The following PLPPR1 variants were observed in gnomAD, a reference collection of about 807,000 sequenced individuals.
The protein encoded by PLPPR1 is phospholipid phosphatase related 1.
PLPPR1 carries 10 observed loss-of-function variants against 33.1 expected under a neutral mutation model. The observed-to-expected ratio is 0.30, with a 90% CI of 0.19 to 0.51. The LOEUF (loss-of-function observed/expected upper bound fraction) is 0.51. Among genes scored for constraint, PLPPR1 ranks in the 20% least tolerant of loss-of-function variants. The pLI is 0.97. For synonymous variants in PLPPR1, 151 were observed against 151.0 expected (o/e 1.00, Z 0.00); for missense variants, 304 against 408.1 (o/e 0.74, Z 2.20).
At chr9:101,121,156 T>C (rs1056574320) in intron 1 of PLPPR1, among the ~76,000 whole-genome samples, 2 of 152,228 alleles carry the variant, frequency 1.3e-5, no homozygotes, top group Admixed American at 1.3e-4. Flanking sequence ...AAGTTACTAC[T>C]GTTACCTGAA....
intron 1 of PLPPR1, among the ~76,000 whole-genome samples, chr9:101,143,938 C>A (rs999637437): frequency 2.0e-5 from 3 of 151,972 alleles, no homozygotes; most frequent in African/African-American, 7.3e-5. Context: ...GGGTATATAC[C>A]CAAAGGATTA....
chr9:101,096,429 C>G (rs1259610205), intron 1 of PLPPR1, among the ~76,000 whole-genome samples: 1 of 152,086 alleles, frequency 6.6e-6, no homozygotes, highest in Non-Finnish European at 1.5e-5. Context: ...TCTACATGAG[C>G]AAGAGTGATC....
At chr9:101,115,410 A>C (rs1016649217) in intron 1 of PLPPR1, among the ~76,000 whole-genome samples, 7 of 152,358 alleles carry the variant, frequency 4.6e-5, no homozygotes, top group African/African-American at 1.7e-4. Context: ...CTAAATGGGC[A>C]AACATTGGGG....
intron 1 of PLPPR1, among the ~76,000 whole-genome samples, chr9:101,042,615 C>G (rs1364036069): frequency 1.3e-5 from 2 of 152,126 alleles, no homozygotes; most frequent in African/African-American, 4.8e-5. Context: ...GACTTGAGAA[C>G]TTTTCTTTTT....
intron 2 of PLPPR1, among the ~76,000 whole-genome samples, chr9:101,219,755 G>A (rs1826888253): frequency 1.3e-5 from 2 of 152,142 alleles, no homozygotes; most frequent in South Asian, 4.1e-4. Context: ...CCTGCGATCA[G>A]TTCTAATTGG....
At chr9:101,291,012 A>G (rs1390441379) in intron 4 of PLPPR1, among the ~76,000 whole-genome samples, 1 of 152,254 alleles carries the variant, frequency 6.6e-6, no homozygotes, top group African/African-American at 2.4e-5. Flanking sequence ...GCAAGGGGTC[A>G]GGGAGTTCCC....
chr9:101,296,623 A>C (rs533143562), intron 4 of PLPPR1, among the ~76,000 whole-genome samples: 1 of 152,384 alleles, frequency 6.6e-6, no homozygotes, highest in East Asian at 1.9e-4. Context: ...GCAGCCATAA[A>C]AAATGAGTTC....
chr9:101,247,370 A>T (rs74988536), intron 2 of PLPPR1, among the ~76,000 whole-genome samples: 2,746 of 152,172 alleles, frequency 0.018, 34 homozygotes, highest in Middle Eastern at 0.085. Flanking sequence ...AGATGACCAC[A>T]TTGGGTCTTA....
chr9:101,236,536 T>G (rs375811115), intron 2 of PLPPR1, among the ~76,000 whole-genome samples: 1 of 148,586 alleles, frequency 6.7e-6, no homozygotes, highest in Non-Finnish European at 1.5e-5. Context: ...CTCTCTAAAC[T>G]CACACACACA....
chr9:101,093,857 A>G (rs1830779994), intron 1 of PLPPR1, among the ~76,000 whole-genome samples: 1 of 152,212 alleles, frequency 6.6e-6, no homozygotes, highest in Non-Finnish European at 1.5e-5. Context: ...GGAGCAGACC[A>G]TTGTTTCCAG....
chr9:101,323,904 G>T, intron 7 of PLPPR1, 121 bp from the exon 8 acceptor site: 1 of 656,004 alleles, frequency 1.5e-6, no homozygotes. Flanking sequence ...AGCATATTAG[G>T]GGGACGGAAC....
intron 3 of PLPPR1, among the ~76,000 whole-genome samples, chr9:101,276,428 C>G (rs1047650884): frequency 6.6e-6 from 1 of 152,112 alleles, no homozygotes; most frequent in African/African-American, 2.4e-5. Context: ...CTCCTGACAT[C>G]ATGCCACCAA....
intron 2 of PLPPR1, among the ~76,000 whole-genome samples, chr9:101,262,775 C>T (rs1827923885): frequency 6.6e-6 from 1 of 152,118 alleles, no homozygotes; most frequent in Non-Finnish European, 1.5e-5. Context: ...CAATGATAGA[C>T]TGGATAAAGA....
chr9:101,164,365 C>CTTTTTT (rs66835142), intron 1 of PLPPR1, among the ~76,000 whole-genome samples: 26 of 133,456 alleles, frequency 1.9e-4, no homozygotes, highest in Non-Finnish European at 2.8e-4. Context: ...CTTTTCTTTT[C>CTTTTTT]TTTTTTTTTT....
At chr9:101,237,979 C>CTATATATATATATATATATATATA (rs367867610) in intron 2 of PLPPR1, among the ~76,000 whole-genome samples, 1 of 79,420 alleles carries the variant, frequency 1.3e-5, no homozygotes, top group African/African-American at 5.1e-5. Context: ...GCTATATAGC[C>CTATATATATATATATATATATATA]TATATATATA....
At chr9:101,265,762 T>C (rs1033701728) in intron 2 of PLPPR1, among the ~76,000 whole-genome samples, 1 of 151,904 alleles carries the variant, frequency 6.6e-6, no homozygotes, top group African/African-American at 2.4e-5. Context: ...TTTGGGAGGC[T>C]GAGGCAGGCG....
At chr9:101,150,816 A>G (rs1275481542) in intron 1 of PLPPR1, among the ~76,000 whole-genome samples, 1 of 151,796 alleles carries the variant, frequency 6.6e-6, no homozygotes, top group Non-Finnish European at 1.5e-5. Context: ...CTGCTTCTTT[A>G]TGATATGTTT....
chr9:101,072,505 G>A (rs1830492823), intron 1 of PLPPR1, among the ~76,000 whole-genome samples: 1 of 152,104 alleles, frequency 6.6e-6, no homozygotes. Flanking sequence ...GAAGAGAAGG[G>A]AACTGATTTG....
intron 1 of PLPPR1, among the ~76,000 whole-genome samples, chr9:101,170,868 A>T (rs1256810758): frequency 6.6e-6 from 1 of 152,168 alleles, no homozygotes; most frequent in East Asian, 1.9e-4. Context: ...TGAACCAGGA[A>T]GGTCAAGAGT....
Sources: allele counts gnomAD v4.1 joint callset (sites outside exome capture counted in the v4.1 genomes callset), GRCh38; gene constraint gnomAD v4.1.1; transcripts MANE v1.5; gene names NCBI Gene and HGNC (gene_info 2026-07-23, HGNC 2026-07-21).